The following ANO3 variants were observed in gnomAD, a reference collection of about 807,000 sequenced individuals.
ANO3 encodes anoctamin-3.
Under a neutral mutation model 144.8 loss-of-function variants are expected in ANO3, and 99 were observed. That is an observed-to-expected ratio of 0.68 (90% CI 0.58 to 0.81). ANO3 has a LOEUF of 0.81. ANO3 is among the 30% of genes least tolerant of loss of function. ANO3 has a pLI of 0.00. For missense variants in ANO3, 905 were observed against 1,202.2 expected, an observed-to-expected ratio of 0.75 and a Z score of 3.66; for synonymous variants, 414 against 392.6, an observed-to-expected ratio of 1.05 and a Z score of -0.64.
chr11:26,656,183 A>C lies in ANO3; in HGVS notation c.2635A>C (p.Met879Leu). 6.2e-7 allele frequency: 1 copy of C among 1,613,646 alleles called. No homozygotes were observed. Among genetic ancestry groups the C allele is most frequent in the South Asian group, 1.1e-5 (1 of 91,064 alleles). The change falls in exon 25 of 27, where the codon ATG becomes CTG. Residue 879 changes from methionine (M) to leucine (L), a missense_variant. Coordinates refer to ENST00000256737, the MANE Select transcript of ANO3 (RefSeq NM_031418.4). Reference sequence around the variant, plus strand: ...CTTCTTTGACCTGAGTGAGCTTGGTATGGGAAAATCTGGTTATTGCAGGTA... The same window carrying C: ...CTTCTTTGACCTGAGTGAGCTTGGTCTGGGAAAATCTGGTTATTGCAGGTA... ...LSFFDLSELG[M>L]GKSGYCRYRD...
intron 1 of ANO3, among the ~76,000 whole-genome samples, chr11:26,422,488 T>C (rs978760993): frequency 1.3e-5 from 2 of 151,978 alleles, no homozygotes; most frequent in African/African-American, 4.8e-5. Context: ...TACTTCTAAA[T>C]ATGGGAACAC....
chr11:26,494,412 T>G (rs1338307831), intron 4 of ANO3, among the ~76,000 whole-genome samples: 1 of 152,124 alleles, frequency 6.6e-6, no homozygotes, highest in African/African-American at 2.4e-5. Flanking sequence ...TATTATTATC[T>G]TTTTGTAAAG....
intron 4 of ANO3, among the ~76,000 whole-genome samples, chr11:26,499,856 A>G (rs950718292): frequency 4.6e-5 from 7 of 151,894 alleles, no homozygotes; most frequent in Admixed American, 2.0e-4. Flanking sequence ...ATTTGATTCA[A>G]TATTTTTAAT....
intron 17 of ANO3, among the ~76,000 whole-genome samples, chr11:26,613,556 C>G (rs1471417286): frequency 2.0e-5 from 3 of 152,104 alleles, no homozygotes; most frequent in Admixed American, 2.0e-4. Context: ...TATTTTCTTG[C>G]TGTTTCACGT....
At chr11:26,563,128 T>C (rs755251943) in intron 14 of ANO3, 2 of 1,611,948 alleles carry the variant, frequency 1.2e-6, no homozygotes. Flanking sequence ...GGTTCATTTC[T>C]GTCGTCATAA....
At chr11:26,474,352 TC>T (rs1859884856) in intron 4 of ANO3, among the ~76,000 whole-genome samples, 1 of 151,920 alleles carries the variant, frequency 6.6e-6, no homozygotes, top group South Asian at 2.1e-4. Context: ...AAATATCACC[TC>T]TGAAGTTTTG....
At chr11:26,656,624 A>G (rs1853698091) in intron 26 of ANO3, 143 bp downstream of exon 26, 1 of 620,910 alleles carries the variant, frequency 1.6e-6, no homozygotes. Context: ...CAATGAAAGC[A>G]TTATTACAAG....
At chr11:26,244,127 A>G (rs1411412376) in intron 1 of ANO3, among the ~76,000 whole-genome samples, 8 of 141,132 alleles carry the variant, frequency 5.7e-5, no homozygotes, top group South Asian at 4.7e-4. Flanking sequence ...AAAAAAAAAA[A>G]AAAAGAAAAG....
intron 4 of ANO3, among the ~76,000 whole-genome samples, chr11:26,473,199 T>C (rs1859844389): frequency 6.6e-6 from 1 of 152,016 alleles, no homozygotes; most frequent in South Asian, 2.1e-4. Flanking sequence ...CCATATACAT[T>C]AAGTGGTTAC....
intron 17 of ANO3, among the ~76,000 whole-genome samples, chr11:26,603,498 TA>T (rs1476793181): frequency 6.6e-6 from 1 of 151,994 alleles, no homozygotes; most frequent in Non-Finnish European, 1.5e-5. Flanking sequence ...TAGTAGATAT[TA>T]AAAAAGAGAC....
At chr11:26,456,404 T>A (rs1054520030) in intron 3 of ANO3, among the ~76,000 whole-genome samples, 9 of 151,970 alleles carry the variant, frequency 5.9e-5, no homozygotes, top group African/African-American at 9.6e-5. Context: ...CCCATCAAAA[T>A]GTGGGCGAAG....
At chr11:26,368,274 A>G (rs1486714797) in intron 1 of ANO3, among the ~76,000 whole-genome samples, 3 of 152,212 alleles carry the variant, frequency 2.0e-5, no homozygotes, top group African/African-American at 7.2e-5. Context: ...ACATAATGAT[A>G]GATGGCTCTT....
intron 26 of ANO3, among the ~76,000 whole-genome samples, chr11:26,657,262 A>G (rs1031117752): frequency 6.6e-6 from 1 of 152,142 alleles, no homozygotes; most frequent in African/African-American, 2.4e-5. Flanking sequence ...AAGTACTTCA[A>G]ATTTTTTAGT....
At chr11:26,472,938 A>G (rs1859834963) in intron 4 of ANO3, among the ~76,000 whole-genome samples, 1 of 151,968 alleles carries the variant, frequency 6.6e-6, no homozygotes, top group Non-Finnish European at 1.5e-5. Flanking sequence ...TCTGTTTTAA[A>G]AAACTAATTC....
At chr11:26,508,949 T>C (rs1185483914) in intron 5 of ANO3, among the ~76,000 whole-genome samples, 2 of 151,862 alleles carry the variant, frequency 1.3e-5, no homozygotes, top group African/African-American at 2.4e-5. Flanking sequence ...CATACGCTTC[T>C]CTCCTTTGGT....
At chr11:26,284,909 GAAAAGA>G (rs2133847808) in intron 1 of ANO3, among the ~76,000 whole-genome samples, 1 of 152,154 alleles carries the variant, frequency 6.6e-6, no homozygotes, top group Admixed American at 6.5e-5. Flanking sequence ...CGTCTCAAAA[GAAAAGA>G]AAAAGATGCA....
intron 1 of ANO3, among the ~76,000 whole-genome samples, chr11:26,431,201 G>A (rs1229819830): frequency 6.6e-6 from 1 of 152,166 alleles, no homozygotes; most frequent in African/African-American, 2.4e-5. Flanking sequence ...TATAGTGCTA[G>A]CTCCTAAAAA....
chr11:26,279,283 A>G (rs1303099327), intron 1 of ANO3, among the ~76,000 whole-genome samples: 1 of 152,164 alleles, frequency 6.6e-6, no homozygotes, highest in Non-Finnish European at 1.5e-5. Flanking sequence ...ATTATTTTAT[A>G]ATATTAGAAA....
intron 12 of ANO3, among the ~76,000 whole-genome samples, chr11:26,550,176 G>C (rs1017425836): frequency 1.3e-5 from 2 of 151,246 alleles, no homozygotes; most frequent in Non-Finnish European, 2.9e-5. Context: ...ATATGATTAT[G>C]ATTAATATAT....
Sources: gnomAD v4.1 joint callset for allele counts (sites outside exome capture counted in the v4.1 genomes callset) on GRCh38, gnomAD v4.1.1 for gene constraint, MANE v1.5 for transcripts, NCBI Gene and HGNC (gene_info 2026-07-23, HGNC 2026-07-21) for gene names.